XIAP: variants seen among roughly 807,000 people sequenced by gnomAD.
XIAP encodes the protein E3 ubiquitin-protein ligase XIAP.
Under a neutral mutation model 33.1 loss-of-function variants are expected in XIAP, and 3 were observed. The ratio of observed to expected loss-of-function variants is 0.09; its 90% CI spans 0.04 to 0.23. XIAP has a LOEUF of 0.23. Ranked by LOEUF, XIAP falls within the 10% of genes least tolerant of loss-of-function variation. The probability of loss-of-function intolerance (pLI) is 1.00; values close to 1 mark genes in which losing one functional copy is unlikely to be tolerated. For missense variants in XIAP, 264 were observed against 363.0 expected (o/e 0.73, Z 2.22); for synonymous variants, 98 against 121.3 (o/e 0.81, Z 1.26).
chrX:123,881,614 A>G (rs1004984901), intron 1 of XIAP, among the ~76,000 whole-genome samples: 2 of 111,882 alleles, frequency 1.8e-5, no homozygotes, highest in African/African-American at 6.5e-5. Context: ...CTCTGGGAAG[A>G]TAAGATCTCC....
chrX:123,865,361 C>G (rs768190164), intron 1 of XIAP, among the ~76,000 whole-genome samples: 2 of 111,270 alleles, frequency 1.8e-5, no homozygotes, highest in East Asian at 5.7e-4. Context: ...TTGTGCATGT[C>G]AATGACCCCA....
At chrX:123,902,334 T>C (rs1467870160) in intron 6 of XIAP, among the ~76,000 whole-genome samples, 1 of 111,096 alleles carries the variant, frequency 9.0e-6, no homozygotes, top group African/African-American at 3.3e-5. Flanking sequence ...ATTTGAACTC[T>C]CCTCAGTCTC....
chrX:123,892,622 T>C, intron 4 of XIAP, 109 bp from the exon 5 acceptor site: 1 of 650,932 alleles, frequency 1.5e-6, no homozygotes, highest in Non-Finnish European at 2.5e-6. Flanking sequence ...TATATTGAAT[T>C]GGAATAAAGC....
chrX:123,864,360 A>G (rs2053108958), intron 1 of XIAP, among the ~76,000 whole-genome samples: 1 of 110,863 alleles, frequency 9.0e-6, no homozygotes, highest in Non-Finnish European at 1.9e-5. Context: ...TTTATGAAAT[A>G]AACATTCATT....
At chrX:123,871,570 G>A (rs985392596) in intron 1 of XIAP, among the ~76,000 whole-genome samples, 8 of 107,284 alleles carry the variant, frequency 7.5e-5, no homozygotes, top group Middle Eastern at 4.9e-3. Context: ...AGGCTGGAGT[G>A]GCCAGGCTCA....
In XIAP at chrX:123,884,862, T is replaced by C. The variant is rs897617069; in HGVS notation, c.-32-769T>C. ...AGCTCTAATAAGACTGCAGCAATAC[T>C]TATCTTCCATTTGAACAGATTGTTA... On this transcript the variant is annotated intron_variant, in intron 1 of 6. Transcript: ENST00000371199. 2.7e-5 allele frequency among the ~76,000 whole-genome samples: 3 copies of C among 110,873 alleles called. No individual in the cohort carries two copies. In the Admixed American group the frequency reaches 2.9e-4, roughly 11 times the overall value.
chrX:123,879,768 G>T (rs375842606), intron 1 of XIAP, among the ~76,000 whole-genome samples: 3 of 111,654 alleles, frequency 2.7e-5, no homozygotes, highest in Non-Finnish European at 5.6e-5. Context: ...GTAATCTGGC[G>T]TGCATTCTAC....
intron 3 of XIAP, among the ~76,000 whole-genome samples, chrX:123,890,048 G>C (rs1481869136): frequency 1.6e-5 from 1 of 64,157 alleles, no homozygotes; most frequent in Non-Finnish European, 2.6e-5. Flanking sequence ...ACGGAGTCTC[G>C]CTCTGTCGCC....
intron 6 of XIAP, 114 bp from the exon 7 acceptor site, chrX:123,906,874 T>C: frequency 1.1e-6 from 1 of 877,741 alleles, no homozygotes; most frequent in Non-Finnish European, 1.6e-6. Context: ...CATCCTCATA[T>C]CTCCCGGCAC....
At position 123,900,657 on chromosome X, in the gene XIAP, A is replaced by G. The variant is rs750669780; in HGVS notation, c.1264A>G (p.Met422Val). Residue 422 changes from methionine to valine, a missense_variant, in exon 6 of 7, where the codon ATG becomes GTG. Coordinates refer to ENST00000371199, the MANE Select transcript of XIAP (RefSeq NM_001167.4). The part of the protein sequence containing the change: ...ADLVNAQKDS[M>V]QDESSQTSLQ... ...TCTAGTGAATGCTCAGAAAGACAGT[A>G]TGCAAGATGAGTCAAGTCAGACTTC... The G allele has an allele frequency of 8.3e-6, 10 of 1,209,806 alleles. No homozygotes were observed. The Admixed American group carries it at 8.8e-5, about 11-fold the overall frequency.
chrX:123,873,374 A>G (rs2053212560), intron 1 of XIAP, among the ~76,000 whole-genome samples: 1 of 106,195 alleles, frequency 9.4e-6, no homozygotes, highest in South Asian at 4.2e-4. Context: ...GGGTCTCACC[A>G]TGTTGCCCAG....
intron 1 of XIAP, among the ~76,000 whole-genome samples, chrX:123,864,552 T>C (rs2053112345): frequency 1.0e-5 from 1 of 96,160 alleles, no homozygotes; most frequent in African/African-American, 3.9e-5. Context: ...CTGCAGGCAC[T>C]GCCTCCCGGC....
chrX:123,901,989 C>T (rs948470133), intron 6 of XIAP, among the ~76,000 whole-genome samples: 1 of 111,652 alleles, frequency 9.0e-6, no homozygotes, highest in African/African-American at 3.3e-5. Context: ...TGTGCCACCA[C>T]GCCCGGCTAA....
At chrX:123,860,570 A>T (rs185232093) in intron 1 of XIAP, 88 of 247,813 alleles carry the variant, frequency 3.6e-4, no homozygotes, top group African/African-American at 2.1e-3. Flanking sequence ...AGAACTTTTT[A>T]AAAAAATATG....
At position 123,904,616 on chromosome X, in the gene XIAP, A is replaced by G. The variant is rs766442974; in HGVS notation, c.1301-2372A>G. ...TGCTGGTAGAGTTTTGTTTTGTTTTATTTTGTTTTGTTTTGTTTTTCTTGA... is the reference window on the plus strand; with the variant it reads ...TGCTGGTAGAGTTTTGTTTTGTTTTGTTTTGTTTTGTTTTGTTTTTCTTGA... On this transcript the variant is annotated intron_variant, in intron 6 of 6. Coordinates refer to ENST00000371199, the MANE Select transcript of XIAP (RefSeq NM_001167.4). Among the ~76,000 whole-genome samples the G allele has an allele frequency of 8.4e-4, 92 of 109,220 alleles. 1 individual carries two copies. In the East Asian group the frequency reaches 0.023, roughly 28 times the overall value. The allele number at this position is 109,220 out of a possible 115,157, so 94.8% of individuals were successfully genotyped here. A position where few individuals can be genotyped will look rare whatever the true frequency, so the allele number is the denominator to read the frequency against.
chrX:123,863,592 C>G (rs1407758911), intron 1 of XIAP, among the ~76,000 whole-genome samples: 3 of 111,294 alleles, frequency 2.7e-5, no homozygotes, highest in Non-Finnish European at 3.8e-5. Context: ...TCACCTCAAC[C>G]TCTGCCTCCC....
intron 2 of XIAP, among the ~76,000 whole-genome samples, chrX:123,887,441 A>G (rs969574246): frequency 1.8e-5 from 2 of 112,511 alleles, no homozygotes; most frequent in Admixed American, 1.9e-4. Context: ...ATACCATTAT[A>G]TATTTGACCC....
At chrX:123,877,003 TAGG>T (rs1272973322) in intron 1 of XIAP, among the ~76,000 whole-genome samples, 2 of 110,027 alleles carry the variant, frequency 1.8e-5, no homozygotes, top group Non-Finnish European at 3.8e-5. Flanking sequence ...CTAGTGAAAT[TAGG>T]AGTAAATACA....
At position 123,882,668 on chromosome X, in the gene XIAP, T is replaced by A. The variant is rs1263420877; in HGVS notation, c.-32-2963T>A. Among the ~76,000 whole-genome samples the A allele has an allele frequency of 2.7e-5, 3 of 112,948 alleles. No homozygotes were observed. In the East Asian group the frequency reaches 8.3e-4, roughly 31 times the overall value. On this transcript the variant is annotated intron_variant, in intron 1 of 6. Coordinates refer to ENST00000371199, the MANE Select transcript of XIAP (RefSeq NM_001167.4). ...AAGTTTTTTAGTCGACTTGTAATGT[T>A]GGCTTATGATGAATTTGTAATTAAA...
Sources: allele counts gnomAD v4.1 joint callset (sites outside exome capture counted in the v4.1 genomes callset), GRCh38; gene constraint gnomAD v4.1.1; transcripts MANE v1.5; gene names NCBI Gene and HGNC (gene_info 2026-07-23, HGNC 2026-07-21).